Variants in DNAH5 observed in about 807,000 individuals in gnomAD.
DNAH5 encodes dynein axonemal heavy chain 5, also known as axonemal beta dynein heavy chain 5.
A neutral mutation model predicts 518.2 loss-of-function variants in DNAH5; 372 were observed. The observed-to-expected ratio is 0.72, with a 90% CI of 0.66 to 0.78. The LOEUF is 0.78. Ranked by LOEUF, DNAH5 falls within the 30% of genes least tolerant of loss-of-function variation. The probability of loss-of-function intolerance (pLI) is 0.00; values close to 1 mark genes in which losing one functional copy is unlikely to be tolerated. For missense variants in DNAH5, 5,523 were observed against 5,687.0 expected (o/e 0.97, Z 0.93); for synonymous variants, 2,039 against 2,025.9 (o/e 1.01, Z -0.17).
At chr5:13,828,828 C>T (rs1259491389) in intron 38 of DNAH5, among the ~76,000 whole-genome samples, 1 of 152,166 alleles carries the variant, frequency 6.6e-6, no homozygotes, top group Non-Finnish European at 1.5e-5. Flanking sequence ...TCAGATGAAA[C>T]CACAGCCCCA....
intron 10 of DNAH5, 84 bp downstream of exon 10, chr5:13,914,436 T>C (rs960808264): frequency 3.4e-6 from 5 of 1,449,558 alleles, no homozygotes; most frequent in Admixed American, 3.6e-5. Context: ...ACCAATGATA[T>C]AATAATTACA....
chr5:13,989,099 C>G (rs11957853), intron 1 of DNAH5, among the ~76,000 whole-genome samples: 44,588 of 151,908 alleles, frequency 0.29, 7,880 homozygotes, highest in South Asian at 0.47. Flanking sequence ...TAAGCAGGGT[C>G]ACTGGAGATC....
At chr5:14,004,608 C>T (rs763331482) in intron 1 of DNAH5, among the ~76,000 whole-genome samples, 14 of 152,200 alleles carry the variant, frequency 9.2e-5, no homozygotes, top group Non-Finnish European at 1.6e-4. Flanking sequence ...GGGCAAGCCA[C>T]CTAACTTCTT....
In DNAH5 at chr5:13,794,066, A is replaced by G; in HGVS notation, c.7888-8T>C. Reference sequence around the variant, plus strand: ...ATAGCTCTCTATCGTCCTCTGTGAAAAAAAAATCAACTGAAACATCTGTGA... The same window carrying G: ...ATAGCTCTCTATCGTCCTCTGTGAAGAAAAAATCAACTGAAACATCTGTGA... On this transcript the variant is annotated splice_polypyrimidine_tract_variant and splice_region_variant and intron_variant, in intron 47 of 78. Coordinates refer to ENST00000265104, the MANE Select transcript of DNAH5 (RefSeq NM_001369.3). 6.2e-7 allele frequency: 1 copy of G among 1,614,110 alleles called. No individual in the cohort carries two copies. The highest frequency in any genetic ancestry group is 1.3e-5 in the African/African-American group (1 of 75,058).
At chr5:13,898,774 C>G in intron 15 of DNAH5, 1 of 395,826 alleles carries the variant, frequency 2.5e-6, no homozygotes, top group Non-Finnish European at 4.4e-6. Context: ...GTGATGTTAA[C>G]CACTATGAAA....
rs547828965 is a variant in DNAH5, at chr5:13,814,746, A to T, written c.7089T>A (p.Asn2363Lys). The change falls in exon 43 of 79, where the codon AAT becomes AAA. Residue 2363 changes from asparagine to lysine, a missense_variant. Asn to Lys is a moderately conservative substitution (Grantham distance 94). Transcript: ENST00000265104. ...TTGGAGCCATGGGAATCCGATCACC[A>T]TTGGCAAGGGTTAGAGTTTTGTTAT... Reference protein sequence around the residue: ...LDDNKTLTLANGDRIPMAPNC... With the variant: ...LDDNKTLTLAKGDRIPMAPNC... The T allele has an allele frequency of 1.2e-5, 19 of 1,614,004 alleles. No homozygotes were observed. In the South Asian group the frequency reaches 2.0e-4, roughly 17 times the overall value.
Position 13,944,593 on chromosome 5 carries a change from AC to A in DNAH5, c.-156del. On this transcript the variant is annotated 5_prime_UTR_variant, in exon 1 of 79. Transcript: ENST00000265104. ...TTTGCATGTATTATTCACTACATTC[AC>A]AGAATAAAAATTAAAACTCCACTTA... The A allele has an allele frequency of 1.4e-6, 1 of 692,074 alleles. No homozygotes were observed. The highest frequency in any genetic ancestry group is 2.7e-5 in the East Asian group (1 of 36,432). The allele number at this position is 692,074 out of a possible 1,614,324, so 42.9% of individuals were successfully genotyped here.
At chr5:13,896,689 A>T (rs922922371) in intron 15 of DNAH5, 1 of 152,216 alleles carries the variant, frequency 6.6e-6, no homozygotes, top group African/African-American at 2.4e-5. Flanking sequence ...CTATCTAATT[A>T]GTTGTTATCA....
At chr5:13,876,305 T>C (rs934183647) in intron 22 of DNAH5, among the ~76,000 whole-genome samples, 17 of 152,292 alleles carry the variant, frequency 1.1e-4, no homozygotes, top group African/African-American at 4.1e-4. Flanking sequence ...ACTACTCAAA[T>C]ATGAAAAAAT....
intron 32 of DNAH5, among the ~76,000 whole-genome samples, chr5:13,842,288 G>A (rs945236869): frequency 4.6e-5 from 7 of 152,054 alleles, no homozygotes; most frequent in African/African-American, 1.7e-4. Context: ...GCTGAGGCAC[G>A]AGAATCACTT....
rs1341522954 is a variant in DNAH5, at chr5:13,823,368, A to G, written c.6582T>C (p.Ile2194=). 6.2e-7 allele frequency: 1 copy of G among 1,603,662 alleles called. No individual in the cohort carries two copies. The change falls in exon 40 of 79, where the codon ATT becomes ATC. Residue 2194 remains isoleucine (I), a splice_region_variant and synonymous_variant. Coordinates refer to ENST00000265104, the MANE Select transcript of DNAH5 (RefSeq NM_001369.3). The part of the protein sequence containing the change: ...VLRDMNLSKL[I]DEDEPLFLSL... ...TCAAAAACAAGGGTTCATCCTCATC[A>G]ATCTAAAAAAAGAAAATGGGAAATC...
chr5:13,758,910 T>C lies in DNAH5; in HGVS notation c.10355A>G (p.Asp3452Gly), dbSNP rs777470319. ...CACGTCAAGTTCCGCCTGCTTGTCA[T>C]CCAACTCGGCCTGGGCTTTCTGCAG... ...QDLQKAQAEL[D>G]DKQAELDVVQ... The change falls in exon 61 of 79, where the codon GAT (aspartate) becomes GGT (glycine). Residue 3452 changes from aspartate to glycine, a missense_variant. Asp to Gly is a moderately conservative substitution (Grantham distance 94). Coordinates refer to ENST00000265104, the MANE Select transcript of DNAH5 (RefSeq NM_001369.3). 6.2e-7 allele frequency: 1 copy of C among 1,614,192 alleles called. No individual in the cohort carries two copies.
intron 11 of DNAH5, among the ~76,000 whole-genome samples, chr5:13,912,470 A>G (rs2151979031): frequency 8.0e-6 from 1 of 124,592 alleles, no homozygotes; most frequent in African/African-American, 3.2e-5. Flanking sequence ...GGAATGTTAT[A>G]TAAAATATAT....
rs1755393884 is a variant in DNAH5 at position 13,782,860 on chromosome 5, C to T, written c.8821-1901G>A. On this transcript the variant is annotated intron_variant, in intron 52 of 78. Transcript: ENST00000265104. The stretch of plus-strand genomic sequence containing the variant: ...AATCCAGTGAGACCCTCAAATAGGG[C>T]TATTTTGTCCTGTTATATACAGATT... Among the ~76,000 whole-genome samples, 4 of 152,122 alleles carry T rather than the reference C, an allele frequency of 2.6e-5. No individual in the cohort carries two copies. The South Asian group carries it at 8.3e-4, about 32-fold the overall frequency.
intron 58 of DNAH5, among the ~76,000 whole-genome samples, chr5:13,767,752 G>C (rs527728435): frequency 6.6e-6 from 1 of 152,328 alleles, no homozygotes; most frequent in African/African-American, 2.4e-5. Flanking sequence ...AAGCATTAAA[G>C]TCCTCTCTTT....
chr5:13,803,489 G>A (rs2126972046), intron 47 of DNAH5, among the ~76,000 whole-genome samples: 1 of 152,328 alleles, frequency 6.6e-6, no homozygotes, highest in South Asian at 2.1e-4. Context: ...GCATGTGGGT[G>A]CACAGCACAG....
At chr5:13,722,302 C>T (rs1745160725) in intron 70 of DNAH5, among the ~76,000 whole-genome samples, 1 of 152,208 alleles carries the variant, frequency 6.6e-6, no homozygotes, top group African/African-American at 2.4e-5. Context: ...GTTTGATTTA[C>T]AGCCAGTAAT....
At chr5:13,827,976 CA>C (rs1334203446) in intron 38 of DNAH5, among the ~76,000 whole-genome samples, 1 of 152,222 alleles carries the variant, frequency 6.6e-6, no homozygotes. Context: ...GAGGCCTTCC[CA>C]GCCATGCTGA....
At chr5:13,848,835 C>T (rs569105814) in intron 31 of DNAH5, among the ~76,000 whole-genome samples, 3 of 152,320 alleles carry the variant, frequency 2.0e-5, no homozygotes, top group African/African-American at 2.4e-5. Flanking sequence ...AATGAACCTT[C>T]GCTCACTCAC....
Sources: gnomAD v4.1 joint callset for allele counts (sites outside exome capture counted in the v4.1 genomes callset) on GRCh38, gnomAD v4.1.1 for gene constraint, MANE v1.5 for transcripts, NCBI Gene and HGNC (gene_info 2026-07-23, HGNC 2026-07-21) for gene names.